Variants in ATXN7L1 observed in about 807,000 individuals in gnomAD.
ATXN7L1 encodes ataxin 7 like 1, also known as ataxin-7-like protein 1.
A neutral mutation model predicts 70.8 loss-of-function variants in ATXN7L1; 15 were observed. The observed-to-expected ratio is 0.21, with a 90% CI of 0.14 to 0.33. The LOEUF (loss-of-function observed/expected upper bound fraction) is 0.33. ATXN7L1 is among the 10% of genes least tolerant of loss of function. The pLI is 1.00. For synonymous variants in ATXN7L1, 440 were observed against 445.1 expected, an observed-to-expected ratio of 0.99 and a Z score of 0.14; for missense variants, 975 against 1,097.1, an observed-to-expected ratio of 0.89 and a Z score of 1.57.
chr7:105,816,989 C>T (rs1000136317), intron 2 of ATXN7L1, among the ~76,000 whole-genome samples: 5 of 152,154 alleles, frequency 3.3e-5, no homozygotes, highest in African/African-American at 9.7e-5. Flanking sequence ...TTTTATTTAG[C>T]GGAGAGCTTC....
chr7:105,706,287 G>A (rs979990966), intron 3 of ATXN7L1, among the ~76,000 whole-genome samples: 4 of 151,272 alleles, frequency 2.6e-5, no homozygotes, highest in African/African-American at 7.3e-5. Context: ...TCTGCCTCCC[G>A]GGTTCAAGTG....
intron 2 of ATXN7L1, among the ~76,000 whole-genome samples, chr7:105,864,995 C>T (rs1036721730): frequency 7.9e-5 from 12 of 152,170 alleles, no homozygotes; most frequent in Admixed American, 4.6e-4. Context: ...TGTCTTTATT[C>T]GGGGCATCCT....
At chr7:105,743,910 G>A (rs891903009) in intron 3 of ATXN7L1, among the ~76,000 whole-genome samples, 1 of 152,222 alleles carries the variant, frequency 6.6e-6, no homozygotes, top group Non-Finnish European at 1.5e-5. Context: ...TGACATGAGT[G>A]GAAAATGGAG....
At chr7:105,638,247 C>G (rs1268992211) in intron 7 of ATXN7L1, 106 bp downstream of exon 7, 5 of 1,374,904 alleles carry the variant, frequency 3.6e-6, no homozygotes, top group African/African-American at 1.5e-5. Flanking sequence ...GGAAGTAGTA[C>G]TATTATGATT....
At chr7:105,767,408 C>T (rs1201618659) in intron 3 of ATXN7L1, among the ~76,000 whole-genome samples, 4 of 152,168 alleles carry the variant, frequency 2.6e-5, no homozygotes, top group East Asian at 3.9e-4. Flanking sequence ...GCTTCTCTCC[C>T]GCCATGCGTC....
intron 3 of ATXN7L1, among the ~76,000 whole-genome samples, chr7:105,727,777 TACACAC>T (rs1274006496): frequency 3.3e-5 from 3 of 90,178 alleles, no homozygotes; most frequent in East Asian, 3.2e-4. Context: ...TATATATATA[TACACAC>T]ACATACACAC....
At chr7:105,871,084 G>GTTT (rs3999852) in intron 2 of ATXN7L1, among the ~76,000 whole-genome samples, 3,904 of 134,972 alleles carry the variant, frequency 0.029, 80 homozygotes, top group East Asian at 0.058. Context: ...GAGGGCTTGG[G>GTTT]TTTTTTTTTT....
chr7:105,681,903 T>C (rs1400916323), intron 3 of ATXN7L1, among the ~76,000 whole-genome samples: 1 of 151,962 alleles, frequency 6.6e-6, no homozygotes, highest in Non-Finnish European at 1.5e-5. Flanking sequence ...GTTCAATGGG[T>C]ATAGAGTTTC....
At chr7:105,739,073 C>T (rs949479936) in intron 3 of ATXN7L1, among the ~76,000 whole-genome samples, 23 of 152,150 alleles carry the variant, frequency 1.5e-4, no homozygotes, top group African/African-American at 4.8e-4. Context: ...AATGCAAATC[C>T]GGAAGGTACA....
At chr7:105,628,619 C>G (rs1449337342) in intron 7 of ATXN7L1, among the ~76,000 whole-genome samples, 1 of 151,380 alleles carries the variant, frequency 6.6e-6, no homozygotes, top group African/African-American at 2.4e-5. Context: ...GAAACCCCGT[C>G]TCTACTAAAA....
At chr7:105,767,871 T>G (rs1386406361) in intron 3 of ATXN7L1, among the ~76,000 whole-genome samples, 1 of 152,180 alleles carries the variant, frequency 6.6e-6, no homozygotes, top group African/African-American at 2.4e-5. Context: ...CCTTCTCCAG[T>G]CCACCCCTCT....
rs191884320 is a variant in ATXN7L1, at chr7:105,610,860, G to A, written c.2473-257C>T. On this transcript the variant is annotated intron_variant, in intron 10 of 11. Transcript: ENST00000419735. ...CTCATACTGCTCCCTAGCTGGCCGG[G>A]ACAGAACAGGGAAGGATGAGGACAA... Among the ~76,000 whole-genome samples the A allele has an allele frequency of 1.3e-4, 20 of 152,346 alleles. No individual in the cohort carries two copies. In the East Asian group the frequency reaches 3.9e-3, roughly 29 times the overall value.
intron 3 of ATXN7L1, among the ~76,000 whole-genome samples, chr7:105,779,813 T>C (rs1277189419): frequency 1.3e-5 from 2 of 152,228 alleles, no homozygotes; most frequent in Non-Finnish European, 2.9e-5. Context: ...CCAAGTCTTA[T>C]TAATTAATGT....
At chr7:105,732,694 C>T (rs1796713317) in intron 3 of ATXN7L1, among the ~76,000 whole-genome samples, 1 of 152,174 alleles carries the variant, frequency 6.6e-6, no homozygotes, top group Non-Finnish European at 1.5e-5. Context: ...GTGGGTAACC[C>T]TTCACCACAC....
At chr7:105,727,944 G>A (rs1796107203) in intron 3 of ATXN7L1, among the ~76,000 whole-genome samples, 1 of 151,022 alleles carries the variant, frequency 6.6e-6, no homozygotes, top group Non-Finnish European at 1.5e-5. Context: ...TGGGCTTGTA[G>A]TAGTATTAAG....
At chr7:105,824,995 C>T (rs1284034253) in intron 2 of ATXN7L1, among the ~76,000 whole-genome samples, 1 of 151,356 alleles carries the variant, frequency 6.6e-6, no homozygotes, top group East Asian at 1.9e-4. Flanking sequence ...TTCAGATCAA[C>T]AGTGTTACAG....
chr7:105,761,360 C>G (rs761061215), intron 3 of ATXN7L1: 2 of 1,613,958 alleles, frequency 1.2e-6, no homozygotes, highest in East Asian at 4.5e-5. Context: ...TTGTACGTCT[C>G]TTCTGCGTTT....
intron 3 of ATXN7L1, among the ~76,000 whole-genome samples, chr7:105,704,728 A>C (rs1376448332): frequency 1.3e-5 from 2 of 151,192 alleles, no homozygotes; most frequent in African/African-American, 4.9e-5. Flanking sequence ...CTTGTGCCTC[A>C]GCCTCCCAAG....
intron 3 of ATXN7L1, among the ~76,000 whole-genome samples, chr7:105,777,125 C>T (rs1396406047): frequency 6.6e-6 from 1 of 152,204 alleles, no homozygotes; most frequent in Non-Finnish European, 1.5e-5. Context: ...CAGGAACTCA[C>T]TGTCTAGTGT....
Sources: gnomAD v4.1 joint callset for allele counts (sites outside exome capture counted in the v4.1 genomes callset) on GRCh38, gnomAD v4.1.1 for gene constraint, MANE v1.5 for transcripts, NCBI Gene and HGNC (gene_info 2026-07-23, HGNC 2026-07-21) for gene names.